Variants in COL22A1 observed in about 807,000 individuals in gnomAD.
The protein encoded by COL22A1 is collagen alpha-1(XXII) chain.
Under a neutral mutation model 248.9 loss-of-function variants are expected in COL22A1, and 221 were observed. The observed-to-expected ratio is 0.89, with a 90% CI of 0.80 to 0.99. The LOEUF is 0.99. COL22A1 is among the 50% of genes least tolerant of loss of function. The pLI, the probability that COL22A1 is intolerant of heterozygous loss-of-function variation, is 0.00. For synonymous variants in COL22A1, 891 were observed against 793.4 expected (o/e 1.12, Z -2.07); for missense variants, 2,240 against 2,179.0 (o/e 1.03, Z -0.56).
In COL22A1 at chr8:138,760,223, A is replaced by G; in HGVS notation, c.1902+20T>C. The G allele has an allele frequency of 1.3e-6, 2 of 1,555,732 alleles. No homozygotes were observed. The highest frequency in any genetic ancestry group is 1.7e-4 in the Middle Eastern group (1 of 5,938). ...GCCTGCCCAGGGCACAGAGCCCTTG[A>G]CAGCCCCAGGCTCGCTCACCTTTTC... On this transcript the variant is annotated intron_variant, in intron 18 of 64. Coordinates refer to ENST00000303045, the MANE Select transcript of COL22A1 (RefSeq NM_152888.3).
chr8:138,836,601 G>T (rs1242023013), intron 4 of COL22A1, among the ~76,000 whole-genome samples: 3 of 152,096 alleles, frequency 2.0e-5, no homozygotes, highest in Admixed American at 2.0e-4. Flanking sequence ...TGGACAGGTG[G>T]GTGGGTCTCC....
chr8:138,662,177 A>C (rs559380808), intron 42 of COL22A1, 94 bp from the exon 43 acceptor site: 1 of 1,006,454 alleles, frequency 9.9e-7, no homozygotes, highest in Non-Finnish European at 1.5e-6. Flanking sequence ...CCTTCAACAC[A>C]TGGTCTGTTG....
intron 4 of COL22A1, among the ~76,000 whole-genome samples, chr8:138,842,164 T>C (rs1294724509): frequency 6.6e-6 from 1 of 152,242 alleles, no homozygotes; most frequent in East Asian, 1.9e-4. Context: ...TCAATCTCTC[T>C]GTGCCTCAGT....
At chr8:138,776,146 C>A in intron 15 of COL22A1, 136 bp from the exon 16 acceptor site, 1 of 814,386 alleles carries the variant, frequency 1.2e-6, no homozygotes, top group East Asian at 2.5e-5. Flanking sequence ...AGGACCCTGT[C>A]TCCCTGTGTA....
Position 138,690,857 on chromosome 8 carries a change from G to A in COL22A1, c.2772C>T (p.Val924=), listed in dbSNP as rs774129051. Residue 924 remains valine (V), a synonymous_variant, in exon 36 of 65, where the codon GTC becomes GTT. Transcript: ENST00000303045. ...AAGNPGAPGH[V]GAPGPSGPPG... is the part of the protein sequence containing the mutation. Reference sequence around the variant, plus strand: ...GAGGGCCACTGGGACCGGGGGCACCGACATGTCCGGGAGCACCCTGTTCAG... The same window carrying A: ...GAGGGCCACTGGGACCGGGGGCACCAACATGTCCGGGAGCACCCTGTTCAG... 5 of 1,610,428 alleles carry A rather than the reference G, an allele frequency of 3.1e-6. No homozygotes were observed. The highest frequency in any genetic ancestry group is 3.4e-5 in the Admixed American group (2 of 59,672).
At chr8:138,612,739 C>T (rs904133206) in intron 56 of COL22A1, among the ~76,000 whole-genome samples, 6 of 151,234 alleles carry the variant, frequency 4.0e-5, no homozygotes, top group African/African-American at 1.5e-4. Flanking sequence ...CCAGCCTGGC[C>T]AACGTGGCAA....
chr8:138,592,484 A>G (rs780215567), intron 63 of COL22A1, among the ~76,000 whole-genome samples: 12 of 152,150 alleles, frequency 7.9e-5, no homozygotes, highest in Admixed American at 5.2e-4. Context: ...ATGCTTTCTT[A>G]TTGACATTTA....
intron 3 of COL22A1, among the ~76,000 whole-genome samples, chr8:138,868,486 G>A (rs1313954623): frequency 1.3e-5 from 2 of 152,126 alleles, no homozygotes; most frequent in African/African-American, 4.8e-5. Flanking sequence ...GGCTCCTTTG[G>A]GGGTAGATAA....
At position 138,793,388 on chromosome 8, in the gene COL22A1, G is replaced by A. The variant is rs60724221; in HGVS notation, c.1596+3431C>T. 3.7e-3 allele frequency among the ~76,000 whole-genome samples: 562 copies of A among 152,282 alleles called. 2 individuals are homozygous for A. The highest frequency in any genetic ancestry group is 0.013 in the African/African-American group (527 of 41,572). ...GAGCCCTAGGGGGCAAAGGCTGGGG[G>A]TGGGCTGATTCCCTAATCTCAGAGC... On this transcript the variant is annotated intron_variant, in intron 12 of 64. Transcript: ENST00000303045.
intron 41 of COL22A1, among the ~76,000 whole-genome samples, chr8:138,668,412 ATG>A (rs1158957643): frequency 2.0e-5 from 3 of 152,008 alleles, no homozygotes; most frequent in African/African-American, 7.2e-5. Context: ...ACACACACAC[ATG>A]CACATATATA....
At chr8:138,643,785 T>C (rs1821953067) in intron 47 of COL22A1, among the ~76,000 whole-genome samples, 2 of 152,262 alleles carry the variant, frequency 1.3e-5, no homozygotes, top group African/African-American at 4.8e-5. Context: ...CTACAACCTC[T>C]GTCTCCCGGG....
rs368887112 is a variant in COL22A1, at chr8:138,833,916, T to C, written c.734-766A>G. Among the ~76,000 whole-genome samples, 14 of 152,296 alleles carry C rather than the reference T, an allele frequency of 9.2e-5. No individual in the cohort carries two copies. In the East Asian group the frequency reaches 1.5e-3, roughly 17 times the overall value. ...CTTCACTGTGGAAGGACAGCAATGA[T>C]GCCTACTGGGTAGAGCTCTGTGATA... On this transcript the variant is annotated intron_variant, in intron 4 of 64. Coordinates refer to ENST00000303045, the MANE Select transcript of COL22A1 (RefSeq NM_152888.3).
chr8:138,725,593 G>A (rs1179538424), intron 23 of COL22A1, among the ~76,000 whole-genome samples, 153 bp from the exon 24 acceptor site: 1 of 152,182 alleles, frequency 6.6e-6, no homozygotes, highest in Non-Finnish European at 1.5e-5. Context: ...ACAAAAATAA[G>A]CAAAAGCAAA....
chr8:138,796,714 C>G (rs1463127010), intron 12 of COL22A1, 105 bp downstream of exon 12: 4 of 820,000 alleles, frequency 4.9e-6, no homozygotes, highest in African/African-American at 1.7e-5. Context: ...TCTTTTCCCC[C>G]ACTCGAATTC....
At chr8:138,693,227 T>C (rs1827229495) in intron 35 of COL22A1, among the ~76,000 whole-genome samples, 1 of 152,140 alleles carries the variant, frequency 6.6e-6, no homozygotes, top group Non-Finnish European at 1.5e-5. Context: ...TATGTTTTCC[T>C]GGCTGCATCT....
intron 45 of COL22A1, 117 bp downstream of exon 45, chr8:138,655,780 C>A: frequency 1.2e-6 from 1 of 853,430 alleles, no homozygotes; most frequent in South Asian, 1.4e-5. Flanking sequence ...AATGGCGCTG[C>A]TGTTATCGTT....
chr8:138,674,404 A>T (rs1262292095), intron 41 of COL22A1, among the ~76,000 whole-genome samples: 1 of 152,172 alleles, frequency 6.6e-6, no homozygotes, highest in Non-Finnish European at 1.5e-5. Context: ...CACTCCATAC[A>T]GATTCCCAGG....
At chr8:138,604,601 A>C in intron 59 of COL22A1, 133 bp downstream of exon 59, 1 of 767,834 alleles carries the variant, frequency 1.3e-6, no homozygotes, top group Non-Finnish European at 2.2e-6. Context: ...AAAGGCATTA[A>C]GAATTTCAAA....
chr8:138,911,043 A>G (rs1815415607), intron 1 of COL22A1, among the ~76,000 whole-genome samples: 1 of 152,166 alleles, frequency 6.6e-6, no homozygotes, highest in African/African-American at 2.4e-5. Flanking sequence ...TCAAGCTAGG[A>G]AGGACCTTAA....
Sources: gnomAD v4.1 joint callset for allele counts (sites outside exome capture counted in the v4.1 genomes callset) on GRCh38, gnomAD v4.1.1 for gene constraint, MANE v1.5 for transcripts, NCBI Gene and HGNC (gene_info 2026-07-23, HGNC 2026-07-21) for gene names.